The following RALYL variants were observed in gnomAD, a reference collection of about 807,000 sequenced individuals.
RALYL encodes RNA-binding Raly-like protein.
RALYL carries 29 observed loss-of-function variants against 35.1 expected under a neutral mutation model. The observed-to-expected ratio is 0.83, with a 90% CI of 0.61 to 1.13. The LOEUF (loss-of-function observed/expected upper bound fraction) is 1.13, where lower values mean the gene tolerates loss of function less well. Ranked by LOEUF, RALYL falls within the 50% of genes most tolerant of loss-of-function variation. The probability of loss-of-function intolerance (pLI) is 0.00; values close to 1 mark genes in which losing one functional copy is unlikely to be tolerated. For missense variants in RALYL, 359 were observed against 360.4 expected (o/e 1.00, Z 0.03); for synonymous variants, 120 against 127.6 (o/e 0.94, Z 0.40).
intron 2 of RALYL, among the ~76,000 whole-genome samples, chr8:84,531,160 A>G (rs1362150670): frequency 2.0e-5 from 3 of 152,182 alleles, no homozygotes; most frequent in Non-Finnish European, 4.4e-5. Context: ...ATGACCACAA[A>G]TATAAAGATG....
intron 1 of RALYL, among the ~76,000 whole-genome samples, chr8:84,208,713 TA>T (rs536833428): frequency 4.9e-4 from 74 of 152,292 alleles, no homozygotes; most frequent in African/African-American, 1.6e-3. Flanking sequence ...CCCTAATTAA[TA>T]AAATGATTGA....
chr8:84,509,020 T>C (rs1192637615), intron 1 of RALYL, among the ~76,000 whole-genome samples: 1 of 152,176 alleles, frequency 6.6e-6, no homozygotes, highest in African/African-American at 2.4e-5. Flanking sequence ...ATACTTTTGC[T>C]TGTTTGTATA....
At chr8:84,518,074 A>G (rs922494235) in intron 1 of RALYL, among the ~76,000 whole-genome samples, 9 of 152,166 alleles carry the variant, frequency 5.9e-5, no homozygotes, top group African/African-American at 2.2e-4. Flanking sequence ...ATGTTATACT[A>G]TTTATGCTAA....
At chr8:84,508,490 G>A (rs1326017431) in intron 1 of RALYL, among the ~76,000 whole-genome samples, 1 of 152,086 alleles carries the variant, frequency 6.6e-6, no homozygotes, top group African/African-American at 2.4e-5. Context: ...TTAGAATCAA[G>A]AAGATAATAA....
chr8:84,674,216 A>G (rs560389298), intron 2 of RALYL, among the ~76,000 whole-genome samples: 68 of 152,212 alleles, frequency 4.5e-4, no homozygotes, highest in Middle Eastern at 3.4e-3. Flanking sequence ...ATTTTTTCAC[A>G]TTGATTTTGT....
chr8:84,867,497 G>A (rs1378744335), intron 6 of RALYL, among the ~76,000 whole-genome samples: 6 of 152,132 alleles, frequency 3.9e-5, no homozygotes. Context: ...CTTTAGAAAT[G>A]CTACAGTTCA....
At chr8:84,625,396 C>T (rs1822505572) in intron 2 of RALYL, among the ~76,000 whole-genome samples, 1 of 152,178 alleles carries the variant, frequency 6.6e-6, no homozygotes, top group Non-Finnish European at 1.5e-5. Context: ...GGAAAGTGTA[C>T]TGTATGGCAA....
intron 1 of RALYL, among the ~76,000 whole-genome samples, chr8:84,434,771 A>G (rs144626698): frequency 4.1e-3 from 623 of 152,242 alleles, no homozygotes; most frequent in Admixed American, 6.3e-3. Flanking sequence ...CAGCCTCCCG[A>G]GTAGCTGAGA....
In RALYL at chr8:84,888,190, G is replaced by T. The variant is rs138904024; in HGVS notation, c.858+414G>T. 1.8e-3 allele frequency among the ~76,000 whole-genome samples: 272 copies of T among 152,246 alleles called. 1 individual carries two copies. Among genetic ancestry groups the T allele is most frequent in the African/African-American group, 6.4e-3 (266 of 41,524 alleles). ...GATAATTATTTATACTATTTGTATG[G>T]CCAACAGTCTTGTCTACAGTGTGCT... On this transcript the variant is annotated intron_variant, in intron 8 of 8. Coordinates refer to ENST00000521268, the MANE Select transcript of RALYL (RefSeq NM_173848.7).
At chr8:84,326,846 A>G (rs182901592) in intron 1 of RALYL, among the ~76,000 whole-genome samples, 1 of 152,280 alleles carries the variant, frequency 6.6e-6, no homozygotes, top group African/African-American at 2.4e-5. Flanking sequence ...TCTCAATCTC[A>G]TGGGACAAAA....
chr8:84,457,162 G>A (rs1242867600), intron 1 of RALYL, among the ~76,000 whole-genome samples: 1 of 151,880 alleles, frequency 6.6e-6, no homozygotes, highest in Non-Finnish European at 1.5e-5. Flanking sequence ...ATGGAATGCA[G>A]GGTTTGGAAG....
At chr8:84,386,339 T>C (rs1156529981) in intron 1 of RALYL, among the ~76,000 whole-genome samples, 1 of 151,860 alleles carries the variant, frequency 6.6e-6, no homozygotes, top group Non-Finnish European at 1.5e-5. Context: ...TTTAGACTAG[T>C]ACAAAGAATA....
chr8:84,450,510 T>C (rs563346975), intron 1 of RALYL, among the ~76,000 whole-genome samples: 1 of 152,072 alleles, frequency 6.6e-6, no homozygotes, highest in African/African-American at 2.4e-5. Context: ...CAGTTATGCC[T>C]GCTACTAGAT....
chr8:84,407,868 A>G (rs896612102), intron 1 of RALYL, among the ~76,000 whole-genome samples: 9 of 152,090 alleles, frequency 5.9e-5, no homozygotes, highest in African/African-American at 1.9e-4. Flanking sequence ...CTATTAATTA[A>G]GGAACACTCT....
intron 3 of RALYL, among the ~76,000 whole-genome samples, chr8:84,786,365 A>G (rs2133792967): frequency 6.6e-6 from 1 of 152,248 alleles, no homozygotes; most frequent in Admixed American, 6.5e-5. Context: ...TGCTGGGTCA[A>G]ATAGTATTTC....
At chr8:84,395,597 T>A (rs1312551001) in intron 1 of RALYL, among the ~76,000 whole-genome samples, 1 of 151,944 alleles carries the variant, frequency 6.6e-6, no homozygotes, top group Non-Finnish European at 1.5e-5. Context: ...TTTTGTTGTT[T>A]TCTATTAAAT....
rs1563500377 is a variant in RALYL, at chr8:84,188,538, G to A, written c.-24+4114G>A. Among the ~76,000 whole-genome samples the A allele has an allele frequency of 3.9e-5, 6 of 152,112 alleles. No homozygotes were observed. The South Asian group carries it at 1.0e-3, about 26-fold the overall frequency. On this transcript the variant is annotated intron_variant, in intron 1 of 8. Transcript: ENST00000521268. ...TTTAATAAATTTCTCTTCAGTAATT[G>A]GCAGGCAACATAAACTTTCATTTTA...
intron 2 of RALYL, among the ~76,000 whole-genome samples, chr8:84,762,650 G>A (rs1236173333): frequency 2.6e-5 from 4 of 152,082 alleles, no homozygotes; most frequent in Non-Finnish European, 4.4e-5. Flanking sequence ...TCAGGGTCCT[G>A]GCATCACTAA....
chr8:84,560,661 T>G (rs1286978090), intron 2 of RALYL, among the ~76,000 whole-genome samples: 1 of 151,890 alleles, frequency 6.6e-6, no homozygotes, highest in East Asian at 1.9e-4. Flanking sequence ...TAATACAGAT[T>G]AGGGTAAATT....
Sources: gnomAD v4.1 joint callset for allele counts (sites outside exome capture counted in the v4.1 genomes callset) on GRCh38, gnomAD v4.1.1 for gene constraint, MANE v1.5 for transcripts, NCBI Gene and HGNC (gene_info 2026-07-23, HGNC 2026-07-21) for gene names.